The following CFAP61 variants were observed in gnomAD, a reference collection of about 807,000 sequenced individuals.
CFAP61 encodes cilia- and flagella-associated protein 61.
Under a neutral mutation model 135.6 loss-of-function variants are expected in CFAP61, and 107 were observed. That is an observed-to-expected ratio of 0.79 (90% CI 0.67 to 0.93). CFAP61 has a LOEUF of 0.93. Among genes scored for constraint, CFAP61 ranks in the 40% least tolerant of loss-of-function variants. The pLI is 0.00. For missense variants in CFAP61, 1,507 were observed against 1,556.2 expected (o/e 0.97, Z 0.53); for synonymous variants, 575 against 578.5 (o/e 0.99, Z 0.09).
intron 8 of CFAP61, among the ~76,000 whole-genome samples, chr20:20,136,711 TACATCTCTGTCTCTCTGGG>T (rs1319449013): frequency 2.0e-5 from 3 of 152,278 alleles, no homozygotes; most frequent in Non-Finnish European, 4.4e-5. Flanking sequence ...TGAAAGGTCC[TACATCTCTGTCTCTCTGGG>T]ATTGGTCCCT....
intron 24 of CFAP61, among the ~76,000 whole-genome samples, chr20:20,296,316 C>CCT (rs2055545432): frequency 1.4e-4 from 5 of 36,118 alleles, no homozygotes; most frequent in African/African-American, 6.9e-4. Flanking sequence ...CCTTCCTTCC[C>CCT]TCCTTCCTTC....
intron 10 of CFAP61, 50 bp from the exon 11 acceptor site, chr20:20,164,000 A>G: frequency 6.8e-7 from 1 of 1,478,530 alleles, no homozygotes; most frequent in Non-Finnish European, 9.2e-7. Flanking sequence ...CCACTAAATT[A>G]CAGGGCATTG....
chr20:20,098,409 A>C (rs900709880), intron 7 of CFAP61, among the ~76,000 whole-genome samples: 1 of 151,702 alleles, frequency 6.6e-6, no homozygotes, highest in African/African-American at 2.4e-5. Context: ...CAGGAGTTCA[A>C]GACCAGCCTG....
At chr20:20,345,883 C>CTTTTTTT (rs756813997) in intron 26 of CFAP61, among the ~76,000 whole-genome samples, 6 of 50,462 alleles carry the variant, frequency 1.2e-4, no homozygotes, top group South Asian at 1.5e-3. Flanking sequence ...GATTGTGCCA[C>CTTTTTTT]TTTTTTTTTT....
chr20:20,317,494 C>T (rs562633623), intron 25 of CFAP61, among the ~76,000 whole-genome samples: 26 of 152,304 alleles, frequency 1.7e-4, no homozygotes, highest in African/African-American at 5.8e-4. Flanking sequence ...CAGCCATTTT[C>T]ACTTCTCTTT....
At position 20,296,026 on chromosome 20, in the gene CFAP61, CTTT is replaced by C. The variant is rs1569258401; in HGVS notation, c.3217-2154_3217-2152del. 1.7e-4 allele frequency among the ~76,000 whole-genome samples: 14 copies of C among 82,628 alleles called. 2 individuals carry two copies. Among genetic ancestry groups the C allele is most frequent in the South Asian group, 3.6e-4 (1 of 2,754 alleles). The allele number at this position is 82,628 out of a possible 152,430, so 54.2% of individuals were successfully genotyped here. Reference sequence around the variant, plus strand: ...CCTTCCTTCCCTCCTTTCCTTCCTTCTTTCTTTTCTTCCTCCCTCCCTTCCTTC... The same window carrying C: ...CCTTCCTTCCCTCCTTTCCTTCCTTCCTTTTCTTCCTCCCTCCCTTCCTTC... On this transcript the variant is annotated intron_variant, in intron 24 of 26. Coordinates refer to ENST00000245957, the MANE Select transcript of CFAP61 (RefSeq NM_015585.4).
At chr20:20,282,184 G>GAC (rs1283185395) in intron 22 of CFAP61, among the ~76,000 whole-genome samples, 4 of 152,104 alleles carry the variant, frequency 2.6e-5, no homozygotes, top group East Asian at 3.9e-4. Flanking sequence ...CTCTGTCTCT[G>GAC]ACTCTCTCTC....
intron 13 of CFAP61, among the ~76,000 whole-genome samples, chr20:20,185,602 T>C (rs2055439506): frequency 6.6e-6 from 1 of 152,196 alleles, no homozygotes; most frequent in Admixed American, 6.5e-5. Context: ...ATGGAAACAG[T>C]GAGACGACTC....
intron 25 of CFAP61, among the ~76,000 whole-genome samples, chr20:20,332,596 T>C (rs1038872645): frequency 7.2e-5 from 11 of 152,180 alleles, no homozygotes; most frequent in African/African-American, 2.7e-4. Context: ...ACAATTTCCA[T>C]GCAATTTTTA....
intron 24 of CFAP61, among the ~76,000 whole-genome samples, chr20:20,290,847 G>A (rs1420188574): frequency 6.6e-6 from 1 of 152,212 alleles, no homozygotes; most frequent in Non-Finnish European, 1.5e-5. Context: ...CATGCCTTCA[G>A]GTGACTGCAG....
At chr20:20,104,470 G>A (rs986283693) in intron 8 of CFAP61, among the ~76,000 whole-genome samples, 6 of 152,008 alleles carry the variant, frequency 3.9e-5, no homozygotes, top group Non-Finnish European at 5.9e-5. Context: ...AGGTCTTTTC[G>A]CCTCTCTTCC....
At chr20:20,345,441 A>T (rs1331817576) in intron 26 of CFAP61, among the ~76,000 whole-genome samples, 1 of 152,164 alleles carries the variant, frequency 6.6e-6, no homozygotes, top group African/African-American at 2.4e-5. Context: ...AAATGATGTA[A>T]ACCATTTTAT....
intron 18 of CFAP61, among the ~76,000 whole-genome samples, chr20:20,231,523 G>C (rs891133522): frequency 6.6e-6 from 1 of 152,140 alleles, no homozygotes; most frequent in Non-Finnish European, 1.5e-5. Flanking sequence ...TCAGCCCTGC[G>C]GGAGACCTCC....
chr20:20,120,911 T>G (rs538706726), intron 8 of CFAP61, among the ~76,000 whole-genome samples: 30 of 152,304 alleles, frequency 2.0e-4, no homozygotes, highest in Admixed American at 1.0e-3. Context: ...TAGAAGTCTT[T>G]GTAGTCAATT....
At position 20,252,895 on chromosome 20, in the gene CFAP61, T is replaced by C. The variant is rs73131146; in HGVS notation, c.2328+1132T>C. 4.9e-3 allele frequency among the ~76,000 whole-genome samples: 746 copies of C among 152,362 alleles called. 6 individuals are homozygous for C. The highest frequency in any genetic ancestry group is 7.5e-3 in the Non-Finnish European group (507 of 68,034). ...GGTGCTTTGAAAACACATCCATGCCTAGGCTCCGCCCCCAGAGGTTGTTTT... is the reference window on the plus strand; with the variant it reads ...GGTGCTTTGAAAACACATCCATGCCCAGGCTCCGCCCCCAGAGGTTGTTTT... On this transcript the variant is annotated intron_variant, in intron 20 of 26. Transcript: ENST00000245957.
chr20:20,296,713 G>A (rs6136989), intron 24 of CFAP61, among the ~76,000 whole-genome samples: 5 of 152,182 alleles, frequency 3.3e-5, no homozygotes, highest in South Asian at 4.1e-4. Context: ...GAAAGTGACC[G>A]TTAACATTTT....
intron 6 of CFAP61, chr20:20,085,132 C>T: frequency 4.1e-6 from 4 of 985,464 alleles, no homozygotes; most frequent in Middle Eastern, 5.2e-4. Context: ...ATCTTCATCG[C>T]CACTGGAACA....
chr20:20,344,007 A>C (rs754069972), intron 26 of CFAP61, among the ~76,000 whole-genome samples: 2 of 152,236 alleles, frequency 1.3e-5, no homozygotes, highest in African/African-American at 2.4e-5. Context: ...CCCTCCAGCC[A>C]TTCTTGTGGG....
At chr20:20,194,725 C>T (rs555035467) in intron 15 of CFAP61, among the ~76,000 whole-genome samples, 29 of 152,298 alleles carry the variant, frequency 1.9e-4, no homozygotes, top group Middle Eastern at 3.4e-3. Context: ...ATGGCAGTAT[C>T]TGGCTTCCCC....
Sources: allele counts gnomAD v4.1 joint callset (sites outside exome capture counted in the v4.1 genomes callset), GRCh38; gene constraint gnomAD v4.1.1; transcripts MANE v1.5; gene names NCBI Gene and HGNC (gene_info 2026-07-23, HGNC 2026-07-21).